ZHX1: variants seen among roughly 807,000 people sequenced by gnomAD.
The protein encoded by ZHX1 is zinc fingers and homeoboxes protein 1.
In ZHX1, 20 loss-of-function variants were observed where a neutral mutation model predicts 61.8. That is an observed-to-expected ratio of 0.32 (90% CI 0.23 to 0.47). The LOEUF (loss-of-function observed/expected upper bound fraction) is 0.47. Ranked by LOEUF, ZHX1 falls within the 20% of genes least tolerant of loss-of-function variation. ZHX1 has a pLI of 1.00. For missense variants in ZHX1, 800 were observed against 1,034.8 expected, an observed-to-expected ratio of 0.77 and a Z score of 3.11; for synonymous variants, 318 against 352.6, an observed-to-expected ratio of 0.90 and a Z score of 1.10.
Position 123,264,137 on chromosome 8 carries a change from A to G in ZHX1, c.-226+3136T>C, listed in dbSNP as rs527599687. On this transcript the variant is annotated intron_variant, in intron 2 of 3. Transcript: ENST00000395571. ...TTGAGTATATTTAAATCTGTGAATTAAGAGTAAAACAAGGGAGATAAAACA... is the reference window on the plus strand; with the variant it reads ...TTGAGTATATTTAAATCTGTGAATTGAGAGTAAAACAAGGGAGATAAAACA... 3.3e-5 allele frequency among the ~76,000 whole-genome samples: 5 copies of G among 152,330 alleles called. No individual in the cohort carries two copies. The South Asian group carries it at 1.0e-3, about 32-fold the overall frequency.
At chr8:123,272,725 G>A (rs1450302148) in intron 1 of ZHX1, among the ~76,000 whole-genome samples, 1 of 152,100 alleles carries the variant, frequency 6.6e-6, no homozygotes, top group East Asian at 1.9e-4. Flanking sequence ...AATCTAAAGT[G>A]CTCTTATATA....
chr8:123,257,694 A>G (rs1329574969), intron 2 of ZHX1, among the ~76,000 whole-genome samples: 1 of 152,218 alleles, frequency 6.6e-6, no homozygotes, highest in Non-Finnish European at 1.5e-5. Context: ...GCACAGTCAC[A>G]ATAGGGTTGT....
chr8:123,262,809 A>C (rs909781887), intron 2 of ZHX1: 8 of 152,298 alleles, frequency 5.3e-5, no homozygotes, highest in African/African-American at 1.9e-4. Context: ...TCTATTATTA[A>C]GGCAAAAAAC....
At position 123,254,567 on chromosome 8, in the gene ZHX1, T is replaced by C; in HGVS notation, c.1380A>G (p.Val460=). The part of the protein sequence containing the change: ...SQSVKHETAL[V]NPDSFGIRAK... ...CCCGAATGCCAAATGAATCAGGGTTTACCAATGCAGTTTCATGTTTGACAC... is the reference window on the plus strand; with the variant it reads ...CCCGAATGCCAAATGAATCAGGGTTCACCAATGCAGTTTCATGTTTGACAC... The change falls in exon 3 of 4, where the codon GTA becomes GTG. Residue 460 remains valine (V), a synonymous_variant. Coordinates refer to ENST00000395571, the MANE Select transcript of ZHX1 (RefSeq NM_007222.5). This position sits in a 1 kb window ranked among gnomAD's most constrained non-coding sequence, Gnocchi z 4.1. 1 of 1,614,222 alleles carries C rather than the reference T, an allele frequency of 6.2e-7. No homozygotes were observed. Among genetic ancestry groups the C allele is most frequent in the Non-Finnish European group, 8.5e-7 (1 of 1,180,034 alleles).
At chr8:123,266,704 G>A (rs1826471743) in intron 2 of ZHX1, among the ~76,000 whole-genome samples, 1 of 152,062 alleles carries the variant, frequency 6.6e-6, no homozygotes, top group African/African-American at 2.4e-5. Context: ...TCACACATAA[G>A]CATGAAAACC....
At chr8:123,265,199 A>G (rs1826418595) in intron 2 of ZHX1, among the ~76,000 whole-genome samples, 1 of 151,926 alleles carries the variant, frequency 6.6e-6, no homozygotes, top group South Asian at 2.1e-4. Context: ...CAAAAAAAAA[A>G]AAAAAAGAGC....
intron 2 of ZHX1, among the ~76,000 whole-genome samples, chr8:123,264,327 C>T (rs192039165): frequency 5.9e-5 from 9 of 152,184 alleles, no homozygotes; most frequent in Admixed American, 5.9e-4. Flanking sequence ...AATAAGTCCT[C>T]AATGTAATAC....
At chr8:123,250,395 T>C (rs1825886037) in intron 3 of ZHX1, 75 bp from the exon 4 acceptor site, 1 of 354,652 alleles carries the variant, frequency 2.8e-6, no homozygotes, top group Non-Finnish European at 5.4e-6. Context: ...CTTTTAGAAA[T>C]AAAAGTGAAA....
intron 2 of ZHX1, among the ~76,000 whole-genome samples, chr8:123,264,919 T>G (rs1826404628): frequency 6.8e-6 from 1 of 147,594 alleles, no homozygotes; most frequent in Non-Finnish European, 1.5e-5. Context: ...CTGAGTGAGG[T>G]GGCTCACGCA....
rs1232443894 is a variant in ZHX1 at position 123,255,041 on chromosome 8, G to A, written c.906C>T (p.Thr302=). 1.2e-6 allele frequency: 2 copies of A among 1,614,022 alleles called. No individual in the cohort carries two copies. The highest frequency in any genetic ancestry group is 1.7e-6 in the Non-Finnish European group (2 of 1,180,030). The change falls in exon 3 of 4, where the codon ACC becomes ACT. Residue 302 remains threonine, a synonymous_variant. Transcript: ENST00000395571. ...ALDNNPLLLN[T]YNKFPYPTMS... ...TTGTTGGGTAAGGGAACTTGTTGTA[G>A]GTGTTAAGTAAAAGGGGATTGTTAT...
chr8:123,257,553 C>A (rs1385165868), intron 2 of ZHX1, among the ~76,000 whole-genome samples: 1 of 152,174 alleles, frequency 6.6e-6, no homozygotes, highest in African/African-American at 2.4e-5. Flanking sequence ...GCACCAGGGA[C>A]TGGTCTCATG....
At chr8:123,258,498 G>C (rs1346250710) in intron 2 of ZHX1, among the ~76,000 whole-genome samples, 7 of 152,186 alleles carry the variant, frequency 4.6e-5, no homozygotes, top group African/African-American at 1.7e-4. Flanking sequence ...CCAAACTCTG[G>C]ATTGAGCCAA....
chr8:123,253,599 G>C lies in ZHX1; in HGVS notation c.2348C>G (p.Ala783Gly). ...CTTCAGGTAATAATCCTTAAGTATT[G>C]CAGTTCCAGTTTTAAATTTTATGAG... ...PSLIKFKTGTAILKDYYLKHK... is the reference protein window; with the variant it reads ...PSLIKFKTGTGILKDYYLKHK... The change falls in exon 3 of 4, where the codon GCA (alanine) becomes GGA (glycine). Residue 783 changes from alanine to glycine, a missense_variant. Ala to Gly is a moderately conservative substitution (Grantham distance 60). Coordinates refer to ENST00000395571, the MANE Select transcript of ZHX1 (RefSeq NM_007222.5). 1 of 1,614,192 alleles carries C rather than the reference G, an allele frequency of 6.2e-7. No homozygotes were observed. The highest frequency in any genetic ancestry group is 2.2e-5 in the East Asian group (1 of 44,888).
At chr8:123,263,881 C>T (rs79853337) in intron 2 of ZHX1, among the ~76,000 whole-genome samples, 3,162 of 152,134 alleles carry the variant, frequency 0.021, 116 homozygotes, top group African/African-American at 0.073. Context: ...TTATTACATA[C>T]ATTTTACTTC....
At chr8:123,271,918 C>T (rs1282010683) in intron 1 of ZHX1, among the ~76,000 whole-genome samples, 2 of 152,212 alleles carry the variant, frequency 1.3e-5, no homozygotes, top group African/African-American at 4.8e-5. Flanking sequence ...TTCACTAGCA[C>T]AGGCACATTT....
At chr8:123,256,767 A>T (rs1483079990) in intron 2 of ZHX1, among the ~76,000 whole-genome samples, 1 of 151,968 alleles carries the variant, frequency 6.6e-6, no homozygotes, top group Non-Finnish European at 1.5e-5. Flanking sequence ...CCATCTCAAA[A>T]AAAAAAAAAA....
Position 123,253,862 on chromosome 8 carries a change from T to C in ZHX1, c.2085A>G (p.Lys695=), listed in dbSNP as rs572008118. The change falls in exon 3 of 4, where the codon AAA becomes AAG. Residue 695 remains lysine (K), a synonymous_variant. Coordinates refer to ENST00000395571, the MANE Select transcript of ZHX1 (RefSeq NM_007222.5). ...TGTCTGTTCTAGCAAGCCCGCTTTC[T>C]TTGGCCAACTTGTCATACTCTTCTG... ...PSPEEYDKLA[K]ESGLARTDIV... 8.5e-5 allele frequency: 138 copies of C among 1,614,204 alleles called. 1 individual carries two copies. The South Asian group carries it at 1.3e-3, about 15-fold the overall frequency.
At chr8:123,260,460 G>A (rs534278865) in intron 2 of ZHX1, among the ~76,000 whole-genome samples, 6 of 150,020 alleles carry the variant, frequency 4.0e-5, no homozygotes, top group South Asian at 2.1e-4. Flanking sequence ...TTAGCCGGGC[G>A]TGGTGGCGTG....
At chr8:123,260,203 G>C (rs1223855823) in intron 2 of ZHX1, among the ~76,000 whole-genome samples, 3 of 151,970 alleles carry the variant, frequency 2.0e-5, no homozygotes, top group African/African-American at 7.3e-5. Context: ...GAGCTATCTG[G>C]TTGGAGGAGG....
Sources: allele counts gnomAD v4.1 joint callset (sites outside exome capture counted in the v4.1 genomes callset), GRCh38; gene constraint gnomAD v4.1.1; non-coding constraint Gnocchi (gnomAD v3.1); transcripts MANE v1.5; gene names NCBI Gene and HGNC (gene_info 2026-07-23, HGNC 2026-07-21).